ASAP1: variants seen among roughly 807,000 people sequenced by gnomAD.
ASAP1 encodes ArfGAP with SH3 domain, ankyrin repeat and PH domain 1.
Under a neutral mutation model 145.2 loss-of-function variants are expected in ASAP1, and 43 were observed. The ratio of observed to expected loss-of-function variants is 0.30; its 90% CI spans 0.23 to 0.38. The LOEUF is 0.38. ASAP1 is among the 10% of genes least tolerant of loss of function. The pLI, the probability that ASAP1 is intolerant of heterozygous loss-of-function variation, is 1.00. For synonymous variants in ASAP1, 546 were observed against 515.5 expected (o/e 1.06, Z -0.80); for missense variants, 1,018 against 1,355.3 (o/e 0.75, Z 3.91).
At chr8:130,316,292 C>A (rs995292794) in intron 3 of ASAP1, among the ~76,000 whole-genome samples, 1 of 152,206 alleles carries the variant, frequency 6.6e-6, no homozygotes, top group East Asian at 1.9e-4. Flanking sequence ...CAACATCACT[C>A]TCAGCAGTTT....
At chr8:130,344,949 C>A (rs1201289936) in intron 3 of ASAP1, among the ~76,000 whole-genome samples, 2 of 152,142 alleles carry the variant, frequency 1.3e-5, no homozygotes, top group Non-Finnish European at 2.9e-5. Context: ...GTTTTAGTTA[C>A]AAATTACTTG....
chr8:130,261,548 A>G lies in ASAP1; in HGVS notation c.187-24554T>C, dbSNP rs184430807. Among the ~76,000 whole-genome samples the G allele has an allele frequency of 3.6e-3, 555 of 152,278 alleles. 1 individual carries two copies. The highest frequency in any genetic ancestry group is 5.5e-3 in the Non-Finnish European group (377 of 68,000). ...GCTTGGGGTAGGCTTAGGGAAACCC[A>G]GGGCATCTTTGATTGTGAGTAAAGA... On this transcript the variant is annotated intron_variant, in intron 3 of 29. Coordinates refer to ENST00000518721, the MANE Select transcript of ASAP1 (RefSeq NM_018482.4).
intron 3 of ASAP1, among the ~76,000 whole-genome samples, chr8:130,343,325 G>A (rs1225674954): frequency 2.6e-5 from 4 of 152,166 alleles, no homozygotes; most frequent in Non-Finnish European, 5.9e-5. Flanking sequence ...ACACTGAGAT[G>A]ACACTGGCTT....
At chr8:130,359,142 A>G (rs779017115) in intron 2 of ASAP1, among the ~76,000 whole-genome samples, 12 of 152,148 alleles carry the variant, frequency 7.9e-5, no homozygotes, top group South Asian at 2.1e-4. Flanking sequence ...GGTCGCTACA[A>G]TGCAGCGTGA....
At chr8:130,155,192 TAC>T (rs1007537400) in intron 12 of ASAP1, among the ~76,000 whole-genome samples, 2 of 152,130 alleles carry the variant, frequency 1.3e-5, no homozygotes, top group African/African-American at 2.4e-5. Context: ...ATGGAAACAA[TAC>T]ACACACACGC....
chr8:130,349,834 A>C (rs1046998777), intron 3 of ASAP1, among the ~76,000 whole-genome samples: 27 of 152,218 alleles, frequency 1.8e-4, no homozygotes, highest in African/African-American at 6.5e-4. Context: ...ATACTCAAAA[A>C]GCAATGTCAT....
chr8:130,127,876 CA>C lies in ASAP1; in HGVS notation c.1381+50del, dbSNP rs1452125026. On this transcript the variant is annotated intron_variant, in intron 16 of 29. Transcript: ENST00000518721. Reference sequence around the variant, plus strand: ...AATAACTAGATCGTTTTATATTCTACAGGAAGAGAAAGGATGTTGTAAAAGC... The same window carrying C: ...AATAACTAGATCGTTTTATATTCTACGGAAGAGAAAGGATGTTGTAAAAGC... The C allele has an allele frequency of 2.5e-6, 4 of 1,594,452 alleles. No homozygotes were observed. In the Middle Eastern group the frequency reaches 5.2e-4, roughly 207 times the overall value.
At chr8:130,313,643 C>T (rs181832936) in intron 3 of ASAP1, among the ~76,000 whole-genome samples, 132 of 152,230 alleles carry the variant, frequency 8.7e-4, no homozygotes, top group Admixed American at 2.0e-3. Context: ...GAAAAGCAGA[C>T]GTTTCAGCTA....
chr8:130,116,950 G>A lies in ASAP1; in HGVS notation c.1926C>T (p.His642=). The part of the protein sequence containing the change: ...KQTALGNTVL[H]YCSMYSKPEC... ...CAGGTTTACTGTACATACTACAGTA[G>A]TGTAGAACTGTGTTTCCCAGGGCCG... The change falls in exon 21 of 30, where the codon CAC becomes CAT. Residue 642 remains histidine (H), a synonymous_variant. Coordinates refer to ENST00000518721, the MANE Select transcript of ASAP1 (RefSeq NM_018482.4). 6.2e-7 allele frequency: 1 copy of A among 1,613,048 alleles called. No individual in the cohort carries two copies. The highest frequency in any genetic ancestry group is 2.2e-5 in the East Asian group (1 of 44,868).
chr8:130,256,904 G>A (rs747026107), intron 3 of ASAP1, among the ~76,000 whole-genome samples: 5 of 150,664 alleles, frequency 3.3e-5, no homozygotes, highest in Non-Finnish European at 5.9e-5. Flanking sequence ...AAATTAAAGG[G>A]ATATCGATGA....
intron 2 of ASAP1, among the ~76,000 whole-genome samples, chr8:130,379,025 G>C (rs1286108760): frequency 1.3e-5 from 2 of 152,130 alleles, no homozygotes; most frequent in Admixed American, 1.3e-4. Flanking sequence ...TCTTCTGTAC[G>C]CTAATGAGAC....
intron 1 of ASAP1, among the ~76,000 whole-genome samples, chr8:130,416,076 CA>C (rs1829462918): frequency 6.6e-6 from 1 of 152,182 alleles, no homozygotes; most frequent in South Asian, 2.1e-4. Flanking sequence ...TCTATTTCAA[CA>C]GCTGTTTGTC....
intron 3 of ASAP1, among the ~76,000 whole-genome samples, chr8:130,284,540 G>A (rs986987602): frequency 4.6e-5 from 7 of 151,952 alleles, no homozygotes; most frequent in Admixed American, 2.0e-4. Flanking sequence ...AAAGGGATGC[G>A]CCCAGTACAG....
At chr8:130,184,441 C>T (rs550232183) in intron 7 of ASAP1, among the ~76,000 whole-genome samples, 2 of 152,298 alleles carry the variant, frequency 1.3e-5, no homozygotes, top group Admixed American at 6.5e-5. Flanking sequence ...GGCAGAAGGC[C>T]ACTGTGTTTC....
At chr8:130,063,554 G>A (rs1377625134) in intron 27 of ASAP1, among the ~76,000 whole-genome samples, 1 of 152,160 alleles carries the variant, frequency 6.6e-6, no homozygotes, top group Non-Finnish European at 1.5e-5. Context: ...GCAGGAGAGA[G>A]ATGGGACTAC....
At chr8:130,117,255 T>C (rs1016923174) in intron 20 of ASAP1, among the ~76,000 whole-genome samples, 2 of 152,180 alleles carry the variant, frequency 1.3e-5, no homozygotes, top group Admixed American at 1.3e-4. Context: ...TTTACAACTA[T>C]ATGATGGGGT....
intron 1 of ASAP1, among the ~76,000 whole-genome samples, chr8:130,411,099 T>C (rs1829247298): frequency 6.6e-6 from 1 of 152,190 alleles, no homozygotes; most frequent in Non-Finnish European, 1.5e-5. Context: ...TGACCTCAGG[T>C]GATCCACCCA....
intron 2 of ASAP1, among the ~76,000 whole-genome samples, chr8:130,374,287 G>T (rs145417839): frequency 3.7e-4 from 56 of 152,284 alleles, no homozygotes; most frequent in African/African-American, 1.3e-3. Context: ...TCAATCCAAA[G>T]AACTGAGATT....
intron 27 of ASAP1, among the ~76,000 whole-genome samples, chr8:130,074,208 G>A (rs932018182): frequency 1.3e-5 from 2 of 151,992 alleles, no homozygotes; most frequent in Non-Finnish European, 2.9e-5. Flanking sequence ...TAGACATGAT[G>A]AATTTTTTGA....
Sources: gnomAD v4.1 joint callset for allele counts (sites outside exome capture counted in the v4.1 genomes callset) on GRCh38, gnomAD v4.1.1 for gene constraint, MANE v1.5 for transcripts, NCBI Gene and HGNC (gene_info 2026-07-23, HGNC 2026-07-21) for gene names.